GLRX3: variants seen among roughly 807,000 people sequenced by gnomAD.
GLRX3 encodes the protein glutaredoxin-3.
A neutral mutation model predicts 49.5 loss-of-function variants in GLRX3; 22 were observed. That is an observed-to-expected ratio of 0.44 (90% CI 0.32 to 0.63). The LOEUF is 0.63. GLRX3 is among the 30% of genes least tolerant of loss of function. The pLI, the probability that GLRX3 is intolerant of heterozygous loss-of-function variation, is 0.05. For synonymous variants in GLRX3, 133 were observed against 140.0 expected (o/e 0.95, Z 0.35); for missense variants, 385 against 396.3 (o/e 0.97, Z 0.24).
intron 10 of GLRX3, among the ~76,000 whole-genome samples, chr10:130,175,929 C>A (rs1862908170): frequency 6.6e-6 from 1 of 152,166 alleles, no homozygotes; most frequent in African/African-American, 2.4e-5. Context: ...GAATGCTGGG[C>A]AGGAATGCCA....
intron 7 of GLRX3, among the ~76,000 whole-genome samples, chr10:130,171,121 AAAATAAAT>A (rs371772527): frequency 6.6e-5 from 10 of 151,372 alleles, no homozygotes; most frequent in South Asian, 4.2e-4. Flanking sequence ...TCTGTCTCAA[AAAATAAAT>A]AAATAAATAA....
chr10:130,169,597 G>A (rs1862764907), intron 7 of GLRX3, 107 bp downstream of exon 7: 8 of 747,728 alleles, frequency 1.1e-5, no homozygotes, highest in Admixed American at 6.3e-5. Context: ...AAGCTGTAGC[G>A]ATATCAGGAA....
Position 130,166,682 on chromosome 10 carries a change from T to A in GLRX3, c.651+3T>A. The A allele has an allele frequency of 6.3e-7, 1 of 1,582,180 alleles. No homozygotes were observed. The highest frequency in any genetic ancestry group is 8.7e-7 in the Non-Finnish European group (1 of 1,152,574). On this transcript the variant is annotated splice_donor_region_variant and intron_variant, in intron 5 of 10. Transcript: ENST00000331244. Reference sequence around the variant, plus strand: ...TAGGAGGACTTGATATAATTAAGGTTAGAATTGAGAAGTCTGTGCTTTGTA... The same window carrying A: ...TAGGAGGACTTGATATAATTAAGGTAAGAATTGAGAAGTCTGTGCTTTGTA...
chr10:130,145,297 TC>T lies in GLRX3; in HGVS notation c.182del (p.Pro61LeufsTer6). On this transcript the variant is annotated frameshift_variant, in exon 2 of 11. Transcript: ENST00000331244. LOFTEE classifies it high-confidence loss of function. ...GTTATGGCAGAGTTAGCTAAAGAAC[TC>T]CCTCAAGTTTCATTTGTGAAGGTAT... ...NEVMAELAKELPQVSFVKLEA... is the reference protein window; with the variant it reads ...NEVMAELAKEXPQVSFVKLEA... The T allele has an allele frequency of 6.8e-7, 1 of 1,464,992 alleles. No individual in the cohort carries two copies. The allele number at this position is 1,464,992 out of a possible 1,614,324, so 90.7% of individuals were successfully genotyped here.
At chr10:130,147,279 A>G (rs1317728590) in intron 2 of GLRX3, among the ~76,000 whole-genome samples, 2 of 152,258 alleles carry the variant, frequency 1.3e-5, no homozygotes, top group African/African-American at 4.8e-5. Flanking sequence ...CATAAGATTA[A>G]TCAAGATGAT....
At chr10:130,148,795 G>C (rs184114396) in intron 2 of GLRX3, among the ~76,000 whole-genome samples, 1 of 152,174 alleles carries the variant, frequency 6.6e-6, no homozygotes, top group East Asian at 1.9e-4. Flanking sequence ...GGGCACAGTG[G>C]CTCACACCTG....
intron 2 of GLRX3, among the ~76,000 whole-genome samples, chr10:130,150,819 G>A (rs115515252): frequency 2.6e-5 from 4 of 152,220 alleles, no homozygotes; most frequent in Non-Finnish European, 5.9e-5. Flanking sequence ...AAATTTTTCA[G>A]TGGCAGAGAA....
chr10:130,145,232 C>A lies in GLRX3; in HGVS notation c.114C>A (p.Phe38Leu). ...ACAGGTCCCTCCTTGTGGTCCATTT[C>A]TGGGCACCATGGGCTCCACAGTGTG... ...LKAKSLLVVH[F>L]WAPWAPQCAQ... is the part of the protein sequence containing the mutation. Residue 38 changes from phenylalanine (F) to leucine (L), a missense_variant, in exon 2 of 11, where the codon TTC becomes TTA. By Grantham distance (22) the Phe-to-Leu change is conservative. Transcript: ENST00000331244. 6.7e-7 allele frequency: 1 copy of A among 1,488,134 alleles called. No individual in the cohort carries two copies. Among genetic ancestry groups the A allele is most frequent in the Non-Finnish European group, 9.3e-7 (1 of 1,078,172 alleles). 92.2% of individuals were successfully genotyped at this position (1,488,134 alleles called of 1,614,324 possible). A position where few individuals can be genotyped will look rare whatever the true frequency, so the allele number is the denominator to read the frequency against.
At chr10:130,136,751 G>C (rs1486277396) in intron 1 of GLRX3, among the ~76,000 whole-genome samples, 1 of 152,158 alleles carries the variant, frequency 6.6e-6, no homozygotes, top group Non-Finnish European at 1.5e-5. Context: ...TGGAAGCCCC[G>C]GCCCCAGCCC....
intron 6 of GLRX3, 66 bp from the exon 7 acceptor site, chr10:130,169,367 G>A (rs1209123571): frequency 1.5e-5 from 14 of 943,218 alleles, no homozygotes; most frequent in Non-Finnish European, 1.9e-5. Context: ...TGTTACTCAC[G>A]AAGCGGAGGA....
intron 2 of GLRX3, among the ~76,000 whole-genome samples, chr10:130,153,590 A>T (rs1862420691): frequency 6.6e-6 from 1 of 152,114 alleles, no homozygotes; most frequent in African/African-American, 2.4e-5. Context: ...CTGGAGGTCC[A>T]CTCCAGACCC....
At chr10:130,150,239 C>CAA (rs35014993) in intron 2 of GLRX3, among the ~76,000 whole-genome samples, 4,165 of 94,344 alleles carry the variant, frequency 0.044, 151 homozygotes, top group East Asian at 0.16. Flanking sequence ...GACTCCATCT[C>CAA]AAAAAAAAAA....
At chr10:130,171,507 T>G in intron 7 of GLRX3, 77 bp from the exon 8 acceptor site, 1 of 840,108 alleles carries the variant, frequency 1.2e-6, no homozygotes, top group Non-Finnish European at 2.1e-6. Flanking sequence ...CTGTGCTGGT[T>G]GACAAGAGTA....
intron 4 of GLRX3, among the ~76,000 whole-genome samples, chr10:130,163,853 T>C (rs911372349): frequency 6.6e-6 from 1 of 152,216 alleles, no homozygotes; most frequent in Middle Eastern, 3.2e-3. Context: ...CCATCTCATC[T>C]TGTGAACACG....
At chr10:130,157,159 C>T (rs1458601678) in intron 2 of GLRX3, among the ~76,000 whole-genome samples, 1 of 152,096 alleles carries the variant, frequency 6.6e-6, no homozygotes, top group Admixed American at 6.5e-5. Context: ...TGAGAAGTCT[C>T]ACCATCTGCC....
intron 10 of GLRX3, among the ~76,000 whole-genome samples, chr10:130,176,299 T>C (rs1456523375): frequency 6.6e-6 from 1 of 152,028 alleles, no homozygotes; most frequent in Non-Finnish European, 1.5e-5. Context: ...TTTGTATTTT[T>C]AGTAGAGATG....
chr10:130,144,555 A>T (rs1862236696), intron 1 of GLRX3, among the ~76,000 whole-genome samples: 1 of 151,026 alleles, frequency 6.6e-6, no homozygotes, highest in South Asian at 2.1e-4. Context: ...GAGAACATGC[A>T]ATGTTTGTTT....
chr10:130,173,603 A>G (rs2134925848), intron 8 of GLRX3, among the ~76,000 whole-genome samples: 1 of 152,346 alleles, frequency 6.6e-6, no homozygotes, highest in East Asian at 1.9e-4. Flanking sequence ...ACTGGCTGTT[A>G]GGACTCCACA....
At chr10:130,156,302 C>G (rs892781895) in intron 2 of GLRX3, among the ~76,000 whole-genome samples, 2 of 152,138 alleles carry the variant, frequency 1.3e-5, no homozygotes, top group Non-Finnish European at 2.9e-5. Flanking sequence ...AGCCTCAAAC[C>G]CTTTTATAAT....
Sources: gnomAD v4.1 joint callset for allele counts (sites outside exome capture counted in the v4.1 genomes callset) on GRCh38, gnomAD v4.1.1 for gene constraint, MANE v1.5 for transcripts, NCBI Gene and HGNC (gene_info 2026-07-23, HGNC 2026-07-21) for gene names.